Variants in STMN3 observed in about 807,000 individuals in gnomAD.
The protein encoded by STMN3 is stathmin 3.
STMN3 carries 24 observed loss-of-function variants against 23.2 expected under a neutral mutation model. The observed-to-expected ratio is 1.03, with a 90% CI of 0.75 to 1.45. The LOEUF (loss-of-function observed/expected upper bound fraction) is 1.45, where lower values mean the gene tolerates loss of function less well. Among genes scored for constraint, STMN3 ranks in the 40% most tolerant of loss-of-function variants. The probability of loss-of-function intolerance (pLI) is 0.00; values close to 1 mark genes in which losing one functional copy is unlikely to be tolerated. For missense variants in STMN3, 235 were observed against 237.6 expected (o/e 0.99, Z 0.07); for synonymous variants, 117 against 103.4 (o/e 1.13, Z -0.80).
intron 1 of STMN3, among the ~76,000 whole-genome samples, chr20:63,649,161 G>T (rs1348056979): frequency 6.6e-6 from 1 of 152,162 alleles, no homozygotes; most frequent in Non-Finnish European, 1.5e-5. Flanking sequence ...TCTATCCCAA[G>T]AGACTGTCCC....
chr20:63,641,556 G>A (rs1320628645), intron 4 of STMN3, among the ~76,000 whole-genome samples, 159 bp from the exon 5 acceptor site: 1 of 152,170 alleles, frequency 6.6e-6, no homozygotes, highest in African/African-American at 2.4e-5. Context: ...GGGAGCACCG[G>A]GGAGGCGCAG....
chr20:63,647,540 C>T (rs1233996559), intron 1 of STMN3, among the ~76,000 whole-genome samples: 3 of 150,528 alleles, frequency 2.0e-5, no homozygotes, highest in African/African-American at 4.9e-5. Context: ...CGCTTGAACC[C>T]AGGAGGCAGA....
intron 3 of STMN3, 169 bp downstream of exon 3, chr20:63,643,587 C>G (rs1403154631): frequency 2.1e-6 from 2 of 968,564 alleles, no homozygotes; most frequent in Non-Finnish European, 2.5e-6. Context: ...GGCCTCTCCC[C>G]ATCCCATTCT....
intron 3 of STMN3, among the ~76,000 whole-genome samples, chr20:63,642,582 G>A (rs55953468): frequency 0.45 from 68,995 of 151,858 alleles, 16,130 homozygotes; most frequent in Middle Eastern, 0.51. Context: ...CAGGGCCCCC[G>A]CCATACCCTG....
chr20:63,643,894 G>A lies in STMN3; in HGVS notation c.153C>T (p.Gly51=). The change falls in exon 3 of 5, where the codon GGC becomes GGT. Residue 51 remains glycine (G), a synonymous_variant. Coordinates refer to ENST00000370053, the MANE Select transcript of STMN3 (RefSeq NM_015894.4). ...ACTTGAGGATGACCTCGAAGCTCTG[G>A]CCTGAGGCCCGCTTGTCCAGCTGCT... ...EVKQLDKRAS[G]QSFEVILKSP... 3.1e-6 allele frequency: 5 copies of A among 1,598,728 alleles called. No homozygotes were observed. The highest frequency in any genetic ancestry group is 2.7e-5 in the African/African-American group (2 of 73,868).
chr20:63,643,731 G>C (rs749940938), intron 3 of STMN3, 25 bp downstream of exon 3: 5 of 1,513,510 alleles, frequency 3.3e-6, no homozygotes, highest in Non-Finnish European at 4.4e-6. Flanking sequence ...AACTCCTGGG[G>C]GGTGGGGGAT....
chr20:63,651,206 C>T (rs755226082), intron 1 of STMN3, among the ~76,000 whole-genome samples: 9 of 152,138 alleles, frequency 5.9e-5, no homozygotes, highest in Non-Finnish European at 1.2e-4. Flanking sequence ...GTTTATCCAC[C>T]GGCCTCAGCC....
chr20:63,647,759 TATATAC>T (rs2089823524), intron 1 of STMN3, among the ~76,000 whole-genome samples: 1 of 127,210 alleles, frequency 7.9e-6, no homozygotes, highest in Middle Eastern at 3.4e-3. Context: ...ATATATAATA[TATATAC>T]ATATATACAC....
At chr20:63,642,871 G>A (rs1453773463) in intron 3 of STMN3, among the ~76,000 whole-genome samples, 1 of 152,200 alleles carries the variant, frequency 6.6e-6, no homozygotes, top group South Asian at 2.1e-4. Flanking sequence ...AGTCAGCCCT[G>A]TGAACCCTGG....
chr20:63,644,491 T>C (rs6010986), intron 1 of STMN3, among the ~76,000 whole-genome samples, 182 bp from the exon 2 acceptor site: 123,637 of 151,986 alleles, frequency 0.81, 51,490 homozygotes, highest in African/African-American at 0.94. Context: ...CTTCCAGACG[T>C]CGGCACTGTC....
intron 1 of STMN3, among the ~76,000 whole-genome samples, chr20:63,647,403 T>A (rs2089817471): frequency 1.3e-5 from 2 of 149,110 alleles, no homozygotes; most frequent in Non-Finnish European, 3.0e-5. Flanking sequence ...GATCATGAGG[T>A]CAGGAGTTCG....
chr20:63,642,321 G>A, intron 3 of STMN3, 22 bp from the exon 4 acceptor site: 1 of 1,435,262 alleles, frequency 7.0e-7, no homozygotes. Flanking sequence ...CGGCGGGCGC[G>A]CGTGAGCGGC....
chr20:63,650,354 G>A (rs2089848427), intron 1 of STMN3, among the ~76,000 whole-genome samples: 1 of 152,184 alleles, frequency 6.6e-6, no homozygotes, highest in Non-Finnish European at 1.5e-5. Context: ...TGATTCATGA[G>A]CAGGAGTCAG....
intron 1 of STMN3, among the ~76,000 whole-genome samples, chr20:63,649,441 G>A (rs1454170387): frequency 6.6e-6 from 1 of 152,120 alleles, no homozygotes; most frequent in Non-Finnish European, 1.5e-5. Flanking sequence ...GGATGCCGAG[G>A]CCCAGACCCA....
chr20:63,644,951 G>T (rs1006776719), intron 1 of STMN3, among the ~76,000 whole-genome samples: 1 of 152,168 alleles, frequency 6.6e-6, no homozygotes, highest in Non-Finnish European at 1.5e-5. Flanking sequence ...TCAGGTACCT[G>T]CCCAGACTGA....
rs770151991 is a variant in STMN3, at chr20:63,644,243, G to A, written c.86C>T (p.Pro29Leu). The A allele has an allele frequency of 3.4e-5, 55 of 1,613,442 alleles. No homozygotes were observed. The Middle Eastern group carries it at 1.5e-3, about 43-fold the overall frequency. ...GTACTGGTAGACGGTATTGGGGTGCGGCTGTGTGTAGAAGCAGGAGCAGAT... is the reference window on the plus strand; with the variant it reads ...GTACTGGTAGACGGTATTGGGGTGCAGCTGTGTGTAGAAGCAGGAGCAGAT... ...SLICSCFYTQ[P>L]HPNTVYQYGD... Residue 29 changes from proline (P) to leucine (L), a missense_variant, in exon 2 of 5, where the codon CCG (proline) becomes CTG (leucine). Coordinates refer to ENST00000370053, the MANE Select transcript of STMN3 (RefSeq NM_015894.4).
At position 63,639,856 on chromosome 20, in the gene STMN3, G is replaced by A. The variant is rs2089745242; in HGVS notation, c.*1482C>T. The A allele has an allele frequency of 1.3e-5, 2 of 152,360 alleles. No individual in the cohort carries two copies. Among genetic ancestry groups the A allele is most frequent in the Non-Finnish European group, 2.9e-5 (2 of 68,058 alleles). 9.4% of individuals were successfully genotyped at this position (152,360 alleles called of 1,614,324 possible). On this transcript the variant is annotated 3_prime_UTR_variant, in exon 5 of 5. Coordinates refer to ENST00000370053, the MANE Select transcript of STMN3 (RefSeq NM_015894.4). ...GAGGAATATCCCAGCCCTCAGTTCT[G>A]CTTCCCTTTCTGAGTCCCACAAAAG...
In STMN3 at chr20:63,640,533, C is replaced by G. The variant is rs1187573502; in HGVS notation, c.*805G>C. On this transcript the variant is annotated 3_prime_UTR_variant, in exon 5 of 5. Transcript: ENST00000370053. ...CACTCCAAAGGGCTCTAGGGTGGGTCTTTCAAGGACATCTGCAAAGCCCTG... is the reference window on the plus strand; with the variant it reads ...CACTCCAAAGGGCTCTAGGGTGGGTGTTTCAAGGACATCTGCAAAGCCCTG... The G allele has an allele frequency of 7.5e-6, 1 of 133,414 alleles. No homozygotes were observed. The highest frequency in any genetic ancestry group is 2.0e-4 in the East Asian group (1 of 5,014). The allele number at this position is 133,414 out of a possible 1,614,324, so 8.3% of individuals were successfully genotyped here.
rs1029486590 is a variant in STMN3 at position 63,652,870 on chromosome 20, G to T, written c.19+457C>A. On this transcript the variant is annotated intron_variant, in intron 1 of 4. Transcript: ENST00000370053. This position sits in a 1 kb window ranked among gnomAD's most constrained non-coding sequence, Gnocchi z 5.3. ...CCTGTGCTGCACTGGCGCGGGGAGCGCCGGGTTCCCGGCTGGGGCTTTGGC... is the reference window on the plus strand; with the variant it reads ...CCTGTGCTGCACTGGCGCGGGGAGCTCCGGGTTCCCGGCTGGGGCTTTGGC... 2 of 874,114 alleles carry T rather than the reference G, an allele frequency of 2.3e-6. No individual in the cohort carries two copies. The highest frequency in any genetic ancestry group is 1.4e-6 in the Non-Finnish European group (1 of 728,484). 54.1% of individuals were successfully genotyped at this position (874,114 alleles called of 1,614,324 possible). A position where few individuals can be genotyped will look rare whatever the true frequency, so the allele number is the denominator to read the frequency against.
Sources: allele counts gnomAD v4.1 joint callset (sites outside exome capture counted in the v4.1 genomes callset), GRCh38; gene constraint gnomAD v4.1.1; non-coding constraint Gnocchi (gnomAD v3.1); transcripts MANE v1.5; gene names NCBI Gene and HGNC (gene_info 2026-07-23, HGNC 2026-07-21).